Variants in SEM1 observed in about 807,000 individuals in gnomAD.
SEM1 encodes the protein SEM1 26S proteasome subunit.
In SEM1, 3 loss-of-function variants were observed where a neutral mutation model predicts 12.7. The observed-to-expected ratio is 0.24, with a 90% CI of 0.11 to 0.61. The LOEUF (loss-of-function observed/expected upper bound fraction) is 0.61, where lower values mean the gene tolerates loss of function less well. SEM1 is among the 20% of genes least tolerant of loss of function. The pLI is 0.88. For missense variants in SEM1, 59 were observed against 81.3 expected, an observed-to-expected ratio of 0.73 and a Z score of 1.06; for synonymous variants, 30 against 27.8, an observed-to-expected ratio of 1.08 and a Z score of -0.25.
intron 2 of SEM1, among the ~76,000 whole-genome samples, chr7:96,677,807 C>G (rs1181966279): frequency 6.6e-6 from 1 of 151,352 alleles, no homozygotes; most frequent in African/African-American, 2.4e-5. Flanking sequence ...TATTAATTAC[C>G]CATAAAAAAT....
intron 2 of SEM1, among the ~76,000 whole-genome samples, chr7:96,642,100 C>T (rs1008989950): frequency 1.4e-4 from 22 of 152,040 alleles, no homozygotes; most frequent in African/African-American, 4.8e-4. Flanking sequence ...CCACTGGTCA[C>T]ATTTCAAGGG....
chr7:96,551,447 C>G (rs138595676), intron 2 of SEM1, among the ~76,000 whole-genome samples: 2 of 152,166 alleles, frequency 1.3e-5, no homozygotes, highest in African/African-American at 4.8e-5. Flanking sequence ...TACTTGTAAT[C>G]CCAGCACTTT....
At chr7:96,595,403 T>C (rs1003924032) in intron 2 of SEM1, among the ~76,000 whole-genome samples, 4 of 152,040 alleles carry the variant, frequency 2.6e-5, no homozygotes, top group Non-Finnish European at 2.9e-5. Context: ...TCCCAGCTAA[T>C]TGGGAGGCTG....
chr7:96,513,139 A>C (rs904408736), intron 2 of SEM1, among the ~76,000 whole-genome samples: 2 of 152,034 alleles, frequency 1.3e-5, no homozygotes, highest in African/African-American at 4.8e-5. Flanking sequence ...GGATACGGAG[A>C]CAGATACACA....
intron 2 of SEM1, among the ~76,000 whole-genome samples, chr7:96,531,802 T>G (rs1217752077): frequency 1.3e-5 from 2 of 152,120 alleles, no homozygotes; most frequent in African/African-American, 4.8e-5. Flanking sequence ...TTTCAGAATT[T>G]CTATGTGCAT....
downstream of SEM1, among the ~76,000 whole-genome samples, chr7:96,617,566 A>G (rs1807758243): frequency 6.6e-6 from 1 of 152,122 alleles, no homozygotes; most frequent in Non-Finnish European, 1.5e-5. Context: ...GAGGACTTCC[A>G]GTACTGTGTT....
At chr7:96,501,744 A>G (rs1803561478) in intron 3 of SEM1, among the ~76,000 whole-genome samples, 1 of 152,160 alleles carries the variant, frequency 6.6e-6, no homozygotes, top group Non-Finnish European at 1.5e-5. Context: ...AATAATTTCA[A>G]CTTTTACTTT....
At chr7:96,697,002 T>C (rs1790117615) in intron 1 of SEM1, 1 of 151,972 alleles carries the variant, frequency 6.6e-6, no homozygotes, top group African/African-American at 2.4e-5. Context: ...ATGATACCCA[T>C]GATATCTGAT....
chr7:96,545,085 C>T (rs1474795375), intron 2 of SEM1, among the ~76,000 whole-genome samples: 2 of 151,960 alleles, frequency 1.3e-5, no homozygotes, highest in Non-Finnish European at 2.9e-5. Context: ...CCTTCCCTGA[C>T]CCCATGGAAA....
exon 4 of SEM1, chr7:96,482,313 AG>A (rs1362144825): frequency 2.0e-5 from 3 of 152,210 alleles, no homozygotes; most frequent in Non-Finnish European, 4.4e-5. Context: ...TGAGTGATAA[AG>A]GCATCTGTGT....
intron 2 of SEM1, among the ~76,000 whole-genome samples, chr7:96,603,529 C>T (rs1184957040): frequency 6.6e-6 from 1 of 152,118 alleles, no homozygotes; most frequent in Non-Finnish European, 1.5e-5. Context: ...CCCCACCCAA[C>T]CTCCTCCCTG....
At chr7:96,584,663 G>A (rs11975463) in intron 2 of SEM1, among the ~76,000 whole-genome samples, 41,518 of 142,906 alleles carry the variant, frequency 0.29, 6,184 homozygotes, top group Middle Eastern at 0.31. Flanking sequence ...GGCTTTGCTC[G>A]TTTCTTTTTA....
chr7:96,542,436 G>T (rs929676533), intron 2 of SEM1, among the ~76,000 whole-genome samples: 5 of 151,762 alleles, frequency 3.3e-5, no homozygotes, highest in Non-Finnish European at 5.9e-5. Flanking sequence ...GCTGGCTTTT[G>T]TACATTGATT....
chr7:96,607,985 C>A (rs1385299164), intron 2 of SEM1, among the ~76,000 whole-genome samples: 4 of 152,100 alleles, frequency 2.6e-5, no homozygotes. Context: ...GACTCAGGGG[C>A]TGATAAGGAG....
intron 2 of SEM1, among the ~76,000 whole-genome samples, chr7:96,584,158 G>A (rs1398649772): frequency 6.6e-6 from 1 of 152,006 alleles, no homozygotes; most frequent in African/African-American, 2.4e-5. Context: ...TTTTGGGTAG[G>A]CCTGGTGGTG....
chr7:96,489,919 C>T (rs998597897), intron 1 of SEM1, among the ~76,000 whole-genome samples: 2 of 152,018 alleles, frequency 1.3e-5, no homozygotes, highest in Non-Finnish European at 2.9e-5. Flanking sequence ...TTAATTTACA[C>T]CTTAATTATA....
At chr7:96,558,572 G>C (rs1368515583) in intron 2 of SEM1, among the ~76,000 whole-genome samples, 1 of 152,138 alleles carries the variant, frequency 6.6e-6, no homozygotes, top group Non-Finnish European at 1.5e-5. Context: ...GCATGGCCTA[G>C]TTGTTTCTTA....
chr7:96,619,854 G>A (rs1291529313), downstream of SEM1, among the ~76,000 whole-genome samples: 2 of 152,144 alleles, frequency 1.3e-5, no homozygotes, highest in African/African-American at 4.8e-5. Context: ...GGTGGCAGGT[G>A]CAGCCACGTC....
intron 2 of SEM1, among the ~76,000 whole-genome samples, chr7:96,544,514 T>A (rs754516375): frequency 6.6e-6 from 1 of 152,020 alleles, no homozygotes; most frequent in Non-Finnish European, 1.5e-5. Flanking sequence ...TATTGATTAT[T>A]CTCTTACTTA....
Sources: gnomAD v4.1 joint callset for allele counts (sites outside exome capture counted in the v4.1 genomes callset) on GRCh38, gnomAD v4.1.1 for gene constraint, MANE v1.5 for transcripts, NCBI Gene and HGNC (gene_info 2026-07-23, HGNC 2026-07-21) for gene names.